RAB28: variants seen among roughly 807,000 people sequenced by gnomAD.
RAB28 encodes RAB28, member RAS oncogene family.
RAB28 carries 24 observed loss-of-function variants against 31.7 expected under a neutral mutation model. That is an observed-to-expected ratio of 0.76 (90% confidence interval 0.55 to 1.06). The LOEUF is 1.06. RAB28 is among the 50% of genes least tolerant of loss of function. RAB28 has a pLI of 0.00. For synonymous variants in RAB28, 100 were observed against 90.4 expected (o/e 1.11, Z -0.60); for missense variants, 254 against 258.5 (o/e 0.98, Z 0.12).
intron 3 of RAB28, among the ~76,000 whole-genome samples, chr4:13,472,440 G>T (rs947645593): frequency 1.3e-5 from 2 of 151,280 alleles, no homozygotes; most frequent in East Asian, 1.9e-4. Flanking sequence ...ATGACTTGAA[G>T]ATAGAATTAA....
chr4:13,435,238 G>A (rs552905498), intron 4 of RAB28, among the ~76,000 whole-genome samples: 6 of 151,728 alleles, frequency 4.0e-5, no homozygotes, highest in African/African-American at 1.4e-4. Context: ...AGTGCAAAGA[G>A]TATAGCTATG....
At chr4:13,461,361 C>T (rs1207358777) in intron 3 of RAB28, among the ~76,000 whole-genome samples, 1 of 152,146 alleles carries the variant, frequency 6.6e-6, no homozygotes, top group Non-Finnish European at 1.5e-5. Context: ...ATTTGGAGAA[C>T]TTGAGAGTAT....
chr4:13,408,508 C>G (rs1003566275), intron 4 of RAB28, among the ~76,000 whole-genome samples: 2 of 151,992 alleles, frequency 1.3e-5, no homozygotes, highest in African/African-American at 4.8e-5. Flanking sequence ...GTTTTGGTAT[C>G]AGGATGATGC....
At chr4:13,400,138 A>G (rs1329272994) in intron 4 of RAB28, among the ~76,000 whole-genome samples, 4 of 152,112 alleles carry the variant, frequency 2.6e-5, no homozygotes, top group African/African-American at 9.7e-5. Flanking sequence ...AAGATCTTCT[A>G]TATCACCTCC....
chr4:13,424,122 G>T (rs950630756), intron 4 of RAB28, among the ~76,000 whole-genome samples: 2 of 152,198 alleles, frequency 1.3e-5, no homozygotes, highest in Admixed American at 1.3e-4. Flanking sequence ...AGTTTTTTAA[G>T]TATCTATGAG....
chr4:13,391,618 T>C (rs545840475), intron 4 of RAB28, among the ~76,000 whole-genome samples: 1 of 152,144 alleles, frequency 6.6e-6, no homozygotes, highest in Non-Finnish European at 1.5e-5. Context: ...ATGTTTATTG[T>C]GGCACTATTC....
chr4:13,443,370 C>T (rs969260535), intron 4 of RAB28, among the ~76,000 whole-genome samples: 3 of 150,628 alleles, frequency 2.0e-5, no homozygotes, highest in Non-Finnish European at 2.9e-5. Flanking sequence ...GACAGGATTT[C>T]GCCATGTTGG....
intron 4 of RAB28, among the ~76,000 whole-genome samples, chr4:13,437,271 C>T (rs1467707150): frequency 6.6e-6 from 1 of 151,876 alleles, no homozygotes; most frequent in East Asian, 1.9e-4. Context: ...CTAGAAGAAA[C>T]TATAGGTAAA....
chr4:13,461,899 C>T (rs530137927), intron 3 of RAB28, among the ~76,000 whole-genome samples: 146 of 152,296 alleles, frequency 9.6e-4, no homozygotes, highest in African/African-American at 3.3e-3. Context: ...TTAATCCTCA[C>T]ACCAATCATG....
At chr4:13,401,949 T>G (rs1711789266) in intron 4 of RAB28, among the ~76,000 whole-genome samples, 1 of 152,258 alleles carries the variant, frequency 6.6e-6, no homozygotes, top group Admixed American at 6.5e-5. Flanking sequence ...CAGCATGCCA[T>G]AAAGTTTTAA....
At chr4:13,381,635 G>A in intron 4 of RAB28, 41 bp from the exon 5 acceptor site, 4 of 1,439,120 alleles carry the variant, frequency 2.8e-6, no homozygotes, top group Non-Finnish European at 3.8e-6. Flanking sequence ...CAATATTAGA[G>A]TCTATCAAAA....
At position 13,371,881 on chromosome 4, in the gene RAB28, A is replaced by G. The variant is rs547739016; in HGVS notation, c.574-3231T>C. On this transcript the variant is annotated intron_variant, in intron 6 of 6. Coordinates refer to ENST00000330852, the MANE Select transcript of RAB28 (RefSeq NM_001017979.3). The stretch of plus-strand genomic sequence containing the variant: ...AATGAAATGGCCCTAAGAGGAAAAG[A>G]GTTATATGGGTGAATACAAGCTTAA... 1.9e-5 allele frequency: 29 copies of G among 1,524,140 alleles called. No individual in the cohort carries two copies. In the East Asian group the frequency reaches 6.6e-4, roughly 35 times the overall value. 94.4% of individuals were successfully genotyped at this position (1,524,140 alleles called of 1,614,324 possible). A position where few individuals can be genotyped will look rare whatever the true frequency, so the allele number is the denominator to read the frequency against.
intron 4 of RAB28, among the ~76,000 whole-genome samples, chr4:13,401,765 T>C (rs533343455): frequency 7.9e-5 from 12 of 152,174 alleles, no homozygotes; most frequent in Non-Finnish European, 1.6e-4. Flanking sequence ...ATTTCATTGA[T>C]TTCTCTATTT....
intron 4 of RAB28, among the ~76,000 whole-genome samples, chr4:13,403,803 T>G (rs144217155): frequency 6.6e-6 from 1 of 152,132 alleles, no homozygotes; most frequent in Non-Finnish European, 1.5e-5. Flanking sequence ...TCTAAGAAAA[T>G]TGAATGTGTG....
intron 4 of RAB28, among the ~76,000 whole-genome samples, chr4:13,456,186 A>C (rs1162708880): frequency 6.6e-6 from 1 of 152,200 alleles, no homozygotes; most frequent in African/African-American, 2.4e-5. Flanking sequence ...GGCCCTACCC[A>C]ACACATAATA....
intron 3 of RAB28, chr4:13,473,887 C>A: frequency 2.8e-6 from 1 of 354,794 alleles, no homozygotes; most frequent in Non-Finnish European, 5.5e-6. Flanking sequence ...GAAAAGCTAT[C>A]AATATTCATT....
chr4:13,467,397 T>C (rs748857325), intron 3 of RAB28, among the ~76,000 whole-genome samples: 17 of 151,820 alleles, frequency 1.1e-4, no homozygotes, highest in Non-Finnish European at 2.2e-4. Flanking sequence ...GAAGATAACA[T>C]AATATCAATT....
chr4:13,381,419 G>C lies in RAB28; in HGVS notation c.495+72C>G, dbSNP rs545025812. 122 of 1,082,214 alleles carry C rather than the reference G, an allele frequency of 1.1e-4. 1 individual carries two copies. The South Asian group carries it at 1.8e-3, about 16-fold the overall frequency. 67.0% of individuals were successfully genotyped at this position (1,082,214 alleles called of 1,614,324 possible). On this transcript the variant is annotated intron_variant, in intron 5 of 6. Coordinates refer to ENST00000330852, the MANE Select transcript of RAB28 (RefSeq NM_001017979.3). ...TAATTTGCTCCAAAAGTTAAATAGT[G>C]GAAGTATACTTCCTAGGAATGTTAG...
chr4:13,386,368 G>T (rs1729368887), intron 4 of RAB28, among the ~76,000 whole-genome samples: 1 of 151,768 alleles, frequency 6.6e-6, no homozygotes, highest in African/African-American at 2.4e-5. Flanking sequence ...ATCTGACAAA[G>T]ATCTAATATC....
Sources: allele counts gnomAD v4.1 joint callset (sites outside exome capture counted in the v4.1 genomes callset), GRCh38; gene constraint gnomAD v4.1.1; transcripts MANE v1.5; gene names NCBI Gene and HGNC (gene_info 2026-07-23, HGNC 2026-07-21).